The following IQSEC3 variants were observed in gnomAD, a reference collection of about 807,000 sequenced individuals.
IQSEC3 encodes IQ motif and Sec7 domain ArfGEF 3, also known as IQ motif and SEC7 domain-containing protein 3.
Under a neutral mutation model 105.4 loss-of-function variants are expected in IQSEC3, and 50 were observed. The observed-to-expected ratio is 0.47, with a 90% confidence interval of 0.38 to 0.60. The LOEUF (loss-of-function observed/expected upper bound fraction) is 0.60, where lower values mean the gene tolerates loss of function less well. Among genes scored for constraint, IQSEC3 ranks in the 20% least tolerant of loss-of-function variants. IQSEC3 has a pLI of 0.00. For missense variants in IQSEC3, 1,415 were observed against 1,630.0 expected (o/e 0.87, Z 2.27); for synonymous variants, 708 against 746.0 (o/e 0.95, Z 0.83).
chr12:171,296 G>T (rs1195764538), intron 13 of IQSEC3, 135 bp downstream of exon 13: 7 of 1,613,952 alleles, frequency 4.3e-6, no homozygotes, highest in Non-Finnish European at 5.9e-6. Context: ...CCAATTTCAA[G>T]AGATACAATT....
At chr12:77,061 A>C (rs1863560510) in intron 1 of IQSEC3, among the ~76,000 whole-genome samples, 3 of 152,106 alleles carry the variant, frequency 2.0e-5, no homozygotes, top group Admixed American at 6.5e-5. Context: ...AGCTACAAAA[A>C]CTCTGCAAAG....
chr12:160,524 T>A (rs1023703009), intron 7 of IQSEC3, among the ~76,000 whole-genome samples: 2 of 152,198 alleles, frequency 1.3e-5, no homozygotes, highest in African/African-American at 4.8e-5. Flanking sequence ...ATATAGGTTA[T>A]CAACTTCATC....
chr12:76,125 CACACACAA>C (rs1432566898), intron 1 of IQSEC3, among the ~76,000 whole-genome samples: 4 of 129,750 alleles, frequency 3.1e-5, no homozygotes, highest in African/African-American at 1.2e-4. Context: ...CACACACACA[CACACACAA>C]GGCCTCAGCA....
chr12:99,271 A>C, intron 2 of IQSEC3, 57 bp downstream of exon 2: 1 of 1,509,532 alleles, frequency 6.6e-7, no homozygotes, highest in Admixed American at 1.8e-5. Flanking sequence ...CTGTTACAAC[A>C]AAGCACGTAC....
chr12:171,389 C>A lies in IQSEC3; in HGVS notation c.3114+228C>A, dbSNP rs1220824365. 52 of 1,467,660 alleles carry A rather than the reference C, an allele frequency of 3.5e-5. No individual in the cohort carries two copies. In the African/African-American group the frequency reaches 6.1e-4, roughly 17 times the overall value. 90.9% of individuals were successfully genotyped at this position (1,467,660 alleles called of 1,614,324 possible). A position where few individuals can be genotyped will look rare whatever the true frequency, so the allele number is the denominator to read the frequency against. ...CTCTTTCTCCCCTTTCCCCAGCCTG[C>A]TGCCCTCCGAGGCCGAGCTCCCAGA... is the stretch of plus-strand genomic sequence containing the variant. On this transcript the variant is annotated intron_variant, in intron 13 of 13. Transcript: ENST00000538872.
At chr12:71,783 C>A (rs1863329554) in intron 1 of IQSEC3, among the ~76,000 whole-genome samples, 2 of 152,276 alleles carry the variant, frequency 1.3e-5, no homozygotes, top group Admixed American at 1.3e-4. Context: ...GCTGAGGTGG[C>A]ATCGTATGGC....
At chr12:172,131 G>A (rs1183062320) in intron 13 of IQSEC3, among the ~76,000 whole-genome samples, 2 of 152,134 alleles carry the variant, frequency 1.3e-5, no homozygotes, top group Non-Finnish European at 2.9e-5. Context: ...CCCATTAGGT[G>A]TCTTAGGAAG....
At chr12:140,101 GC>G (rs1246433273) in intron 4 of IQSEC3, 1 of 152,180 alleles carries the variant, frequency 6.6e-6, no homozygotes, top group African/African-American at 2.4e-5. Flanking sequence ...CATCTCCCCG[GC>G]CCTAATGCGT....
At chr12:156,382 T>C (rs1479259613) in intron 5 of IQSEC3, among the ~76,000 whole-genome samples, 1 of 152,022 alleles carries the variant, frequency 6.6e-6, no homozygotes, top group African/African-American at 2.4e-5. Context: ...TGTCACGCTG[T>C]CCCCTCACGT....
At position 107,402 on chromosome 12, in the gene IQSEC3, C is replaced by CTTTTT. The variant is rs58053657; in HGVS notation, c.623+8209_623+8213dup. 1.4e-3 allele frequency among the ~76,000 whole-genome samples: 107 copies of CTTTTT among 75,986 alleles called. 1 individual carries two copies. The highest frequency in any genetic ancestry group is 1.6e-3 in the Non-Finnish European group (67 of 42,658). 49.8% of individuals were successfully genotyped at this position (75,986 alleles called of 152,430 possible). On this transcript the variant is annotated intron_variant, in intron 2 of 13. Transcript: ENST00000538872. Reference sequence around the variant, plus strand: ...AGGTTTCCCTCCGGTAGTCTGTTTTCTTTTTTTTTTTTTTTTTTTTTTTTT... The same window carrying CTTTTT: ...AGGTTTCCCTCCGGTAGTCTGTTTTCTTTTTTTTTTTTTTTTTTTTTTTTTTTTTT...
In IQSEC3 at chr12:138,247, C is replaced by T; in HGVS notation, c.904-20C>T. The T allele has an allele frequency of 6.3e-7, 1 of 1,592,530 alleles. No homozygotes were observed. Among genetic ancestry groups the T allele is most frequent in the Non-Finnish European group, 8.6e-7 (1 of 1,166,028 alleles). On this transcript the variant is annotated intron_variant, in intron 3 of 13. Transcript: ENST00000538872. This position sits in a 1 kb window ranked among gnomAD's most constrained non-coding sequence, Gnocchi z 7.1. ...CCTTCCCCTCTGAGCCCTTCCTCCT[C>T]TCTGTCCTCGTCCTTGCAGATTGAA...
intron 2 of IQSEC3, among the ~76,000 whole-genome samples, chr12:106,334 G>A (rs940677752): frequency 1.3e-5 from 2 of 152,214 alleles, no homozygotes; most frequent in Non-Finnish European, 2.9e-5. Flanking sequence ...CGAAAGTGAG[G>A]CAGGAAGGTG....
rs532156772 is a variant in IQSEC3 at position 169,098 on chromosome 12, G to A, written c.3057G>A (p.Ser1019=). 22 of 1,613,690 alleles carry A rather than the reference G, an allele frequency of 1.4e-5. 1 individual carries two copies. Among genetic ancestry groups the A allele is most frequent in the South Asian group, 8.8e-5 (8 of 91,078 alleles). The change falls in exon 12 of 14, where the codon TCG becomes TCA. Residue 1019 remains serine, a synonymous_variant. Transcript: ENST00000538872. The part of the protein sequence containing the change: ...AQGDPQSKQG[S]PTAKREAALR... ...GGGACCCACAGTCAAAGCAAGGATC[G>A]CCGACAGGTGAGCCTCGGCTCCGCT...
rs75677829 is a variant in IQSEC3 at position 138,757 on chromosome 12, A to G, written c.1394A>G (p.Asp465Gly). 0.084 allele frequency: 130,894 copies of G among 1,554,140 alleles called. 6,893 individuals are homozygous for G. The highest frequency in any genetic ancestry group is 0.24 in the African/African-American group (17,180 of 71,218). Residue 465 changes from aspartate to glycine, a missense_variant, in exon 4 of 14, where the codon GAT (aspartate) becomes GGT (glycine). Coordinates refer to ENST00000538872, the MANE Select transcript of IQSEC3 (RefSeq NM_001170738.2). The surrounding 1 kb of genome is among the most constrained non-coding windows in gnomAD (Gnocchi z 7.1). ...APESAGPGPGDDAAETPGLPP... is the reference protein window; with the variant it reads ...APESAGPGPGGDAAETPGLPP... ...GAGAGCGCGGGCCCCGGGCCCGGGG[A>G]TGACGCCGCGGAGACCCCCGGCCTG...
In IQSEC3 at chr12:164,354, CCT is replaced by C. The variant is rs370184357; in HGVS notation, c.2709+736_2709+737del. Among the ~76,000 whole-genome samples the C allele has an allele frequency of 3.8e-3, 572 of 152,248 alleles. 34 individuals are homozygous for C. The South Asian group carries it at 0.1, about 28-fold the overall frequency. ...GCCTCCACACGGCTCTCCCCACCCC[CCT>C]GAGAGCAGCAGCGTGATCTCTCTGG... On this transcript the variant is annotated intron_variant, in intron 9 of 13. Transcript: ENST00000538872.
At chr12:136,053 T>C (rs1865753896) in intron 3 of IQSEC3, among the ~76,000 whole-genome samples, 1 of 152,240 alleles carries the variant, frequency 6.6e-6, no homozygotes, top group African/African-American at 2.4e-5. Flanking sequence ...TTAGAGCACC[T>C]TGAAGACCCC....
At chr12:127,708 A>G (rs959950377) in intron 3 of IQSEC3, among the ~76,000 whole-genome samples, 1 of 152,092 alleles carries the variant, frequency 6.6e-6, no homozygotes, top group Non-Finnish European at 1.5e-5. Flanking sequence ...TCCTTTGCCC[A>G]CTTTTTGATG....
intron 1 of IQSEC3, among the ~76,000 whole-genome samples, chr12:74,838 GA>G (rs1863457190): frequency 1.3e-5 from 2 of 152,258 alleles, no homozygotes; most frequent in African/African-American, 4.8e-5. Context: ...GCCTGAGGAG[GA>G]AGTGACTGTT....
intron 3 of IQSEC3, among the ~76,000 whole-genome samples, chr12:129,003 C>A (rs1865504556): frequency 6.6e-6 from 1 of 152,206 alleles, no homozygotes; most frequent in Admixed American, 6.5e-5. Context: ...TTTTGTGTGG[C>A]TTTGTTTCCT....
Sources: allele counts gnomAD v4.1 joint callset (sites outside exome capture counted in the v4.1 genomes callset), GRCh38; gene constraint gnomAD v4.1.1; non-coding constraint Gnocchi (gnomAD v3.1); transcripts MANE v1.5; gene names NCBI Gene and HGNC (gene_info 2026-07-23, HGNC 2026-07-21).